SCHIP1: variants seen among roughly 807,000 people sequenced by gnomAD.
SCHIP1 encodes the protein schwannomin-interacting protein 1.
Under a neutral mutation model 29.7 loss-of-function variants are expected in SCHIP1, and 8 were observed. The ratio of observed to expected loss-of-function variants is 0.27; its 90% CI spans 0.16 to 0.49. SCHIP1 has a LOEUF of 0.49. Among genes scored for constraint, SCHIP1 ranks in the 20% least tolerant of loss-of-function variants. SCHIP1 has a pLI of 0.99. For synonymous variants in SCHIP1, 76 were observed against 94.9 expected, an observed-to-expected ratio of 0.80 and a Z score of 1.16; for missense variants, 193 against 294.6, an observed-to-expected ratio of 0.66 and a Z score of 2.52.
chr3:159,595,982 C>T, the SCHIP1 span, among the ~76,000 whole-genome samples: 1 of 152,138 alleles, frequency 6.6e-6, no homozygotes, highest in Non-Finnish European at 1.5e-5. Context: ...AGCTTCTGCA[C>T]AGCAAAAGAA....
chr3:159,426,468 C>T, the SCHIP1 span, among the ~76,000 whole-genome samples: 5 of 152,142 alleles, frequency 3.3e-5, no homozygotes, highest in Non-Finnish European at 7.3e-5. Context: ...CATACACTCT[C>T]CCAAGACTAA....
chr3:159,392,719 A>G, the SCHIP1 span, among the ~76,000 whole-genome samples: 5 of 151,664 alleles, frequency 3.3e-5, no homozygotes, highest in South Asian at 1.0e-3. Context: ...TCATTGTTGG[A>G]CATTTGGGTT....
At chr3:159,813,728 G>T in the SCHIP1 span, among the ~76,000 whole-genome samples, 2 of 151,836 alleles carry the variant, frequency 1.3e-5, no homozygotes, top group African/African-American at 2.4e-5. Flanking sequence ...AGGAGTTCAG[G>T]CTCCAAATCT....
the SCHIP1 span, among the ~76,000 whole-genome samples, chr3:159,463,177 A>G: frequency 2.0e-5 from 3 of 151,952 alleles, 1 homozygote; most frequent in Admixed American, 1.3e-4. Flanking sequence ...TGCATTTATT[A>G]TATAGACATG....
chr3:159,490,649 T>C, the SCHIP1 span, among the ~76,000 whole-genome samples: 1 of 152,222 alleles, frequency 6.6e-6, no homozygotes, highest in Non-Finnish European at 1.5e-5. Flanking sequence ...TTAATTGATT[T>C]CCTATTAAGG....
the SCHIP1 span, among the ~76,000 whole-genome samples, chr3:159,630,053 CAA>C: frequency 1.3e-5 from 2 of 152,200 alleles, no homozygotes; most frequent in East Asian, 3.9e-4. Context: ...CAGTGGCAGC[CAA>C]AGAGAATGTA....
the SCHIP1 span, among the ~76,000 whole-genome samples, chr3:159,458,870 C>T: frequency 2.0e-5 from 3 of 152,166 alleles, no homozygotes; most frequent in African/African-American, 7.2e-5. Context: ...AAGGGAGCTA[C>T]ATATTTGCTA....
the SCHIP1 span, among the ~76,000 whole-genome samples, chr3:159,429,217 G>A: frequency 3.8e-5 from 4 of 105,458 alleles, no homozygotes; most frequent in Non-Finnish European, 8.1e-5. Flanking sequence ...AAAAGAAAAT[G>A]ACATAAGAAA....
At chr3:159,655,408 T>C in the SCHIP1 span, among the ~76,000 whole-genome samples, 7 of 151,964 alleles carry the variant, frequency 4.6e-5, no homozygotes, top group Admixed American at 4.6e-4. Context: ...ATGGTGATGA[T>C]GATGATGATG....
At chr3:159,389,443 A>G in the SCHIP1 span, among the ~76,000 whole-genome samples, 1 of 152,064 alleles carries the variant, frequency 6.6e-6, no homozygotes, top group Non-Finnish European at 1.5e-5. Flanking sequence ...CATAGGGGGA[A>G]TAAGCACAGA....
At chr3:159,671,367 C>CTTCATTGAT in the SCHIP1 span, among the ~76,000 whole-genome samples, 2 of 152,148 alleles carry the variant, frequency 1.3e-5, no homozygotes, top group Non-Finnish European at 1.5e-5. Context: ...GTCAGCTTTT[C>CTTCATTGAT]TTCATTGATT....
the SCHIP1 span, among the ~76,000 whole-genome samples, chr3:159,657,691 C>T: frequency 6.6e-6 from 1 of 152,224 alleles, no homozygotes; most frequent in Non-Finnish European, 1.5e-5. Flanking sequence ...AGATGTTAGC[C>T]TCCTGAAGAT....
chr3:159,520,868 A>G, the SCHIP1 span, among the ~76,000 whole-genome samples: 1 of 152,324 alleles, frequency 6.6e-6, no homozygotes, highest in Non-Finnish European at 1.5e-5. Context: ...TTGGTTTACC[A>G]ATTTGCTGTC....
chr3:159,643,246 G>A, the SCHIP1 span, among the ~76,000 whole-genome samples: 1 of 152,172 alleles, frequency 6.6e-6, no homozygotes, highest in South Asian at 2.1e-4. Context: ...TACAATGCTG[G>A]CTGTTTCCCA....
At chr3:159,466,679 G>T in the SCHIP1 span, among the ~76,000 whole-genome samples, 1 of 152,058 alleles carries the variant, frequency 6.6e-6, no homozygotes, top group African/African-American at 2.4e-5. Flanking sequence ...GTATTTCATG[G>T]TTTGTCAACA....
At chr3:159,440,135 C>T in the SCHIP1 span, among the ~76,000 whole-genome samples, 1 of 152,222 alleles carries the variant, frequency 6.6e-6, no homozygotes, top group East Asian at 1.9e-4. Flanking sequence ...GCTAGTTCTC[C>T]CTGCACCATT....
chr3:159,804,520 C>A, the SCHIP1 span, among the ~76,000 whole-genome samples: 1 of 152,214 alleles, frequency 6.6e-6, no homozygotes, highest in Admixed American at 6.5e-5. Context: ...CCCAGTTAAG[C>A]ATTCTGGGTC....
the SCHIP1 span, among the ~76,000 whole-genome samples, chr3:159,574,288 G>A: frequency 6.6e-6 from 1 of 152,174 alleles, no homozygotes; most frequent in Non-Finnish European, 1.5e-5. Flanking sequence ...ACCCACAGAT[G>A]GGTTTTTGCT....
chr3:159,388,132 A>G, the SCHIP1 span, among the ~76,000 whole-genome samples: 1 of 152,176 alleles, frequency 6.6e-6, no homozygotes, highest in African/African-American at 2.4e-5. Flanking sequence ...AAAATGTGGA[A>G]TAAATATTGG....
Sources: allele counts gnomAD v4.1 joint callset (sites outside exome capture counted in the v4.1 genomes callset), GRCh38; gene constraint gnomAD v4.1.1; transcripts MANE v1.5; gene names NCBI Gene and HGNC (gene_info 2026-07-23, HGNC 2026-07-21).